Variants in NACC2 observed in about 807,000 individuals in gnomAD.
NACC2 encodes nucleus accumbens-associated protein 2.
A neutral mutation model predicts 25.1 loss-of-function variants in NACC2; 8 were observed. The observed-to-expected ratio is 0.32, with a 90% CI of 0.19 to 0.57. The LOEUF (loss-of-function observed/expected upper bound fraction) is 0.57. Among genes scored for constraint, NACC2 ranks in the 20% least tolerant of loss-of-function variants. The pLI, the probability that NACC2 is intolerant of heterozygous loss-of-function variation, is 0.89. For synonymous variants in NACC2, 435 were observed against 294.7 expected (o/e 1.48, Z -4.88); for missense variants, 644 against 650.2 (o/e 0.99, Z 0.10).
At chr9:136,054,224 T>A (rs1840890041) in intron 1 of NACC2, among the ~76,000 whole-genome samples, 2 of 152,152 alleles carry the variant, frequency 1.3e-5, no homozygotes, top group Non-Finnish European at 2.9e-5. Flanking sequence ...TCGGCCTGCG[T>A]CCGCACCTCA....
chr9:136,025,714 G>C (rs1840377113), intron 2 of NACC2, among the ~76,000 whole-genome samples: 1 of 151,804 alleles, frequency 6.6e-6, no homozygotes, highest in African/African-American at 2.4e-5. Flanking sequence ...AGGAGTTCGA[G>C]ACAGCCTGGC....
chr9:136,034,341 C>T (rs1254832669), intron 2 of NACC2, among the ~76,000 whole-genome samples: 2 of 151,466 alleles, frequency 1.3e-5, no homozygotes, highest in Non-Finnish European at 2.9e-5. Flanking sequence ...TAAGAGAGTC[C>T]GAATCTTGAC....
intron 1 of NACC2, among the ~76,000 whole-genome samples, chr9:136,091,176 A>G (rs1199127002): frequency 6.6e-6 from 1 of 152,168 alleles, no homozygotes; most frequent in Non-Finnish European, 1.5e-5. Context: ...AGTGAGCCTT[A>G]CATGGGATTC....
chr9:136,037,513 T>TC (rs1491336937), intron 2 of NACC2, among the ~76,000 whole-genome samples: 1 of 50,798 alleles, frequency 2.0e-5, no homozygotes, highest in Non-Finnish European at 6.6e-5. Flanking sequence ...TAAATTTTCA[T>TC]TTTTTTTTTT....
chr9:136,054,362 C>T (rs1840893775), intron 1 of NACC2, among the ~76,000 whole-genome samples: 1 of 152,232 alleles, frequency 6.6e-6, no homozygotes, highest in African/African-American at 2.4e-5. Flanking sequence ...GCTGGCTTGT[C>T]CTCAGGCCAC....
chr9:136,065,755 G>A (rs569590568), intron 1 of NACC2, among the ~76,000 whole-genome samples: 1 of 151,718 alleles, frequency 6.6e-6, no homozygotes, highest in South Asian at 2.1e-4. Flanking sequence ...GCAGGAAGGG[G>A]CTGGAGCCGT....
chr9:136,012,110 G>A, intron 5 of NACC2, 86 bp from the exon 6 acceptor site: 1 of 1,424,078 alleles, frequency 7.0e-7, no homozygotes, highest in Non-Finnish European at 9.2e-7. Flanking sequence ...TGATGCCCTG[G>A]ATGAGCCTCC....
In NACC2 at chr9:136,014,000, G is replaced by A. The variant is rs755221201; in HGVS notation, c.1052-31C>T. On this transcript the variant is annotated intron_variant, in intron 3 of 5. Transcript: ENST00000277554. This position sits in a 1 kb window ranked among gnomAD's most constrained non-coding sequence, Gnocchi z 6.6. ...GCCACCAAACAGAAAAAGGGCTCGT[G>A]GCCTTCCCGGGCCATAGGGTCCGAA... 2.5e-6 allele frequency: 4 copies of A among 1,578,246 alleles called. No homozygotes were observed. Among genetic ancestry groups the A allele is most frequent in the African/African-American group, 1.4e-5 (1 of 73,952 alleles).
intron 1 of NACC2, among the ~76,000 whole-genome samples, chr9:136,070,577 G>A (rs1371988313): frequency 6.6e-6 from 1 of 151,374 alleles, no homozygotes; most frequent in Non-Finnish European, 1.5e-5. Context: ...ACTTAGGTGG[G>A]GCTGAGAGGA....
intron 5 of NACC2, 76 bp from the exon 6 acceptor site, chr9:136,012,100 T>A: frequency 6.9e-7 from 1 of 1,441,508 alleles, no homozygotes; most frequent in Non-Finnish European, 9.1e-7. Flanking sequence ...CACAGAACCA[T>A]GATGCCCTGG....
intron 2 of NACC2, among the ~76,000 whole-genome samples, chr9:136,035,726 A>AG (rs1183925640): frequency 1.3e-5 from 2 of 151,768 alleles, no homozygotes; most frequent in Non-Finnish European, 2.9e-5. Flanking sequence ...AAAAAAAAAA[A>AG]GTTCAGCCTT....
intron 2 of NACC2, among the ~76,000 whole-genome samples, chr9:136,028,058 G>T (rs1039446082): frequency 4.6e-5 from 7 of 151,996 alleles, no homozygotes; most frequent in African/African-American, 1.5e-4. Flanking sequence ...TCAGAAGTTC[G>T]AGACCAGCCT....
intron 1 of NACC2, among the ~76,000 whole-genome samples, chr9:136,075,122 C>A (rs1048121984): frequency 6.6e-6 from 1 of 152,270 alleles, no homozygotes; most frequent in African/African-American, 2.4e-5. Context: ...GGCTTCTGCT[C>A]CCTCAAAGCG....
Position 136,055,240 on chromosome 9 carries a change from CAG to C in NACC2, c.-59-4662_-59-4661del, listed in dbSNP as rs1160181820. Among the ~76,000 whole-genome samples the C allele has an allele frequency of 4.6e-5, 7 of 152,258 alleles. No homozygotes were observed. The highest frequency in any genetic ancestry group is 2.1e-4 in the South Asian group (1 of 4,826). ...CTGGAACTGCAGCCAGACGCGCACA[CAG>C]GGGTTGGGGCAGCGTCTCCAGAACG... On this transcript the variant is annotated intron_variant, in intron 1 of 5. Coordinates refer to ENST00000277554, the MANE Select transcript of NACC2 (RefSeq NM_144653.5). The surrounding 1 kb of genome is among the most constrained non-coding windows in gnomAD (Gnocchi z 4.9).
chr9:136,060,933 C>T (rs577465323), intron 1 of NACC2, among the ~76,000 whole-genome samples: 88 of 152,224 alleles, frequency 5.8e-4, no homozygotes, highest in Non-Finnish European at 1.1e-3. Flanking sequence ...TACAGGGGTC[C>T]GGGGGAAGGT....
intron 1 of NACC2, among the ~76,000 whole-genome samples, chr9:136,076,852 C>T (rs1012565335): frequency 1.3e-5 from 2 of 151,586 alleles, no homozygotes; most frequent in African/African-American, 2.4e-5. Context: ...ACTAAAAATA[C>T]AAAAAAAATT....
At position 136,020,420 on chromosome 9, in the gene NACC2, G is replaced by T. The variant is rs1010207580; in HGVS notation, c.887-3991C>A. Among the ~76,000 whole-genome samples, 48 of 152,038 alleles carry T rather than the reference G, an allele frequency of 3.2e-4. No individual in the cohort carries two copies. The highest frequency in any genetic ancestry group is 1.2e-3 in the African/African-American group (48 of 41,402). Reference sequence around the variant, plus strand: ...TGTCCCCAAGGCAGAGTGTGTCATCGGGGACTCGCCCAGGTGACACCATCA... The same window carrying T: ...TGTCCCCAAGGCAGAGTGTGTCATCTGGGACTCGCCCAGGTGACACCATCA... On this transcript the variant is annotated intron_variant, in intron 2 of 5. Coordinates refer to ENST00000277554, the MANE Select transcript of NACC2 (RefSeq NM_144653.5). This position sits in a 1 kb window ranked among gnomAD's most constrained non-coding sequence, Gnocchi z 4.7.
intron 1 of NACC2, among the ~76,000 whole-genome samples, chr9:136,051,798 A>G (rs2131164116): frequency 6.6e-6 from 1 of 152,056 alleles, no homozygotes; most frequent in South Asian, 2.1e-4. Context: ...CCCCGCACGC[A>G]GCCCGCCTGC....
chr9:136,012,579 C>T (rs1323979921), intron 5 of NACC2, among the ~76,000 whole-genome samples: 1 of 152,248 alleles, frequency 6.6e-6, no homozygotes, highest in Non-Finnish European at 1.5e-5. Context: ...TCGGCTGCCA[C>T]CCCACACTTG....
Sources: allele counts gnomAD v4.1 joint callset (sites outside exome capture counted in the v4.1 genomes callset), GRCh38; gene constraint gnomAD v4.1.1; non-coding constraint Gnocchi (gnomAD v3.1); transcripts MANE v1.5; gene names NCBI Gene and HGNC (gene_info 2026-07-23, HGNC 2026-07-21).